TFAP2A: variants seen among roughly 807,000 people sequenced by gnomAD.
TFAP2A encodes transcription factor AP-2-alpha.
In TFAP2A, 7 loss-of-function variants were observed where a neutral mutation model predicts 41.5. The ratio of observed to expected loss-of-function variants is 0.17; its 90% confidence interval spans 0.10 to 0.32. The LOEUF (loss-of-function observed/expected upper bound fraction) is 0.32. TFAP2A is among the 10% of genes least tolerant of loss of function. The pLI, the probability that TFAP2A is intolerant of heterozygous loss-of-function variation, is 1.00. For synonymous variants in TFAP2A, 247 were observed against 242.8 expected (o/e 1.02, Z -0.16); for missense variants, 416 against 563.3 (o/e 0.74, Z 2.65).
chr6:10,403,169 G>C (rs929926805), intron 4 of TFAP2A, among the ~76,000 whole-genome samples: 2 of 152,250 alleles, frequency 1.3e-5, no homozygotes, highest in African/African-American at 4.8e-5. Flanking sequence ...AAGTTTCACT[G>C]ATTTCAGAGA....
At chr6:10,402,836 T>C (rs746610848) in intron 4 of TFAP2A, among the ~76,000 whole-genome samples, 1 of 152,242 alleles carries the variant, frequency 6.6e-6, no homozygotes, top group African/African-American at 2.4e-5. Context: ...TTGCAACTCT[T>C]GTGGCAGGTT....
intron 4 of TFAP2A, 124 bp downstream of exon 4, chr6:10,404,384 T>C: frequency 1.6e-6 from 1 of 617,994 alleles, no homozygotes; most frequent in East Asian, 3.8e-5. Context: ...CCCGCCCCCT[T>C]TCCTTTCCCG....
chr6:10,400,625 G>A (rs1761972459), intron 5 of TFAP2A, 36 bp from the exon 6 acceptor site: 1 of 1,613,220 alleles, frequency 6.2e-7, no homozygotes, highest in Non-Finnish European at 8.5e-7. Context: ...CAGTGCGAGA[G>A]AATGAAGAGT....
At chr6:10,400,422 A>T (rs752663349) in intron 6 of TFAP2A, 26 bp downstream of exon 6, 8 of 1,614,240 alleles carry the variant, frequency 5.0e-6, no homozygotes, top group East Asian at 4.5e-5. Flanking sequence ...CGAGACACAG[A>T]GACCCCATAG....
chr6:10,419,630 A>T, upstream of TFAP2A: 2 of 716,128 alleles, frequency 2.8e-6, no homozygotes, highest in East Asian at 5.4e-5. Flanking sequence ...CCAGGAATTC[A>T]CTCCGCCAGC....
At chr6:10,411,991 C>T (rs1308739764) in intron 1 of TFAP2A, 3 of 1,081,196 alleles carry the variant, frequency 2.8e-6, no homozygotes, top group African/African-American at 3.4e-5. Context: ...CTTCTAATAA[C>T]CGCGCTGGGC....
rs1377549684 is a variant in TFAP2A, at chr6:10,398,375, G to C, written c.*42C>G. ...CACCCGCCGGAGGGTGGGCGCGCGG[G>C]GGGCTGGTGAGGCGTGGGAGGGGCG... On this transcript the variant is annotated 3_prime_UTR_variant, in exon 7 of 7. Coordinates refer to ENST00000379613, the MANE Select transcript of TFAP2A (RefSeq NM_001372066.1). The surrounding 1 kb of genome is among the most constrained non-coding windows in gnomAD (Gnocchi z 5.3). 6.8e-6 allele frequency: 11 copies of C among 1,610,918 alleles called. No individual in the cohort carries two copies. The Admixed American group carries it at 1.5e-4, about 22-fold the overall frequency.
chr6:10,411,366 G>C (rs1380803672), intron 1 of TFAP2A, among the ~76,000 whole-genome samples: 2 of 152,078 alleles, frequency 1.3e-5, no homozygotes, highest in Non-Finnish European at 2.9e-5. Flanking sequence ...GGTCGAGCGG[G>C]GGCTGGGGTA....
Position 10,404,603 on chromosome 6 carries a change from G to A in TFAP2A, c.675C>T (p.Ser225=), listed in dbSNP as rs1757613170. Residue 225 remains serine, a synonymous_variant, in exon 4 of 7, where the codon TCC becomes TCT. Coordinates refer to ENST00000379613, the MANE Select transcript of TFAP2A (RefSeq NM_001372066.1). The stretch of plus-strand genomic sequence containing the variant: ...CCACCGTGACCTTGTACTTCGAGGT[G>A]GAGCTGAGGAGCGAGAGGCGACCCG... ...SVPGRLSLLS[S]TSKYKVTVAE... 6.2e-7 allele frequency: 1 copy of A among 1,614,188 alleles called. No individual in the cohort carries two copies. Among genetic ancestry groups the A allele is most frequent in the Non-Finnish European group, 8.5e-7 (1 of 1,180,018 alleles).
chr6:10,409,792 A>C, intron 2 of TFAP2A, 109 bp downstream of exon 2: 3 of 1,330,230 alleles, frequency 2.3e-6, no homozygotes, highest in South Asian at 2.6e-5. Context: ...TTTTATAAGG[A>C]AATACTAGGG....
At chr6:10,411,745 C>T (rs909421555) in intron 1 of TFAP2A, 2 of 1,502,384 alleles carry the variant, frequency 1.3e-6, no homozygotes, top group African/African-American at 1.4e-5. Context: ...CGACGCTCCC[C>T]GGAGCGCGGG....
At chr6:10,402,224 G>A in intron 5 of TFAP2A, 1 of 541,964 alleles carries the variant, frequency 1.8e-6, no homozygotes, top group Admixed American at 2.2e-5. Flanking sequence ...AGAATGTGCA[G>A]TTCTTAAACT....
At chr6:10,402,719 A>C (rs1321353038) in intron 4 of TFAP2A, 109 bp from the exon 5 acceptor site, 1 of 858,018 alleles carries the variant, frequency 1.2e-6, no homozygotes, top group African/African-American at 1.7e-5. Flanking sequence ...AAAACTGAGA[A>C]GCTTGGCCCC....
rs1295719804 is a variant in TFAP2A, at chr6:10,396,910, T to A, written c.*1507A>T. On this transcript the variant is annotated 3_prime_UTR_variant, in exon 7 of 7. Transcript: ENST00000379613. Reference sequence around the variant, plus strand: ...ATTATACTTGAGGGAAACAATGGGTTCAGCTGCTTATTGCAAGGAGCAATT... The same window carrying A: ...ATTATACTTGAGGGAAACAATGGGTACAGCTGCTTATTGCAAGGAGCAATT... 6.6e-6 allele frequency: 1 copy of A among 152,608 alleles called. No individual in the cohort carries two copies. Among genetic ancestry groups the A allele is most frequent in the Non-Finnish European group, 1.5e-5 (1 of 68,044 alleles). The allele number at this position is 152,608 out of a possible 1,614,324, so 9.5% of individuals were successfully genotyped here.
intron 1 of TFAP2A, chr6:10,412,385 A>T: frequency 3.4e-5 from 26 of 756,210 alleles, no homozygotes; most frequent in Non-Finnish European, 4.2e-5. Flanking sequence ...TGTGAGAAAG[A>T]AAGTGTGGGC....
intron 1 of TFAP2A, among the ~76,000 whole-genome samples, chr6:10,414,257 G>A (rs760475686): frequency 6.6e-5 from 10 of 152,188 alleles, no homozygotes; most frequent in Non-Finnish European, 1.2e-4. Context: ...ACCCCCGTGG[G>A]GTGCGTCGAT....
intron 1 of TFAP2A, among the ~76,000 whole-genome samples, chr6:10,413,621 C>T (rs1171618335): frequency 6.6e-6 from 1 of 152,222 alleles, no homozygotes; most frequent in Non-Finnish European, 1.5e-5. Context: ...CCTCCTCTAG[C>T]GCGACAGGAC....
rs1204736976 is a variant in TFAP2A, at chr6:10,398,283, C to CGGCG, written c.*130_*133dup. The CGGCG allele has an allele frequency of 1.9e-6, 3 of 1,573,200 alleles. No homozygotes were observed. Among genetic ancestry groups the CGGCG allele is most frequent in the Non-Finnish European group, 2.6e-6 (3 of 1,164,400 alleles). On this transcript the variant is annotated 3_prime_UTR_variant, in exon 7 of 7. Coordinates refer to ENST00000379613, the MANE Select transcript of TFAP2A (RefSeq NM_001372066.1). The surrounding 1 kb of genome is among the most constrained non-coding windows in gnomAD (Gnocchi z 5.3). ...ACTCGGGGGGACCCAAGGGCAGCGG[C>CGGCG]GGCGGCGGCGGCGGCAGCAGCAGCA...
chr6:10,408,259 G>A (rs1757803527), intron 2 of TFAP2A, among the ~76,000 whole-genome samples: 1 of 152,142 alleles, frequency 6.6e-6, no homozygotes. Flanking sequence ...TTAAAAGATG[G>A]GGGAGGGAGA....
Sources: gnomAD v4.1 joint callset for allele counts (sites outside exome capture counted in the v4.1 genomes callset) on GRCh38, gnomAD v4.1.1 for gene constraint, Gnocchi (gnomAD v3.1) non-coding constraint, MANE v1.5 for transcripts, NCBI Gene and HGNC (gene_info 2026-07-23, HGNC 2026-07-21) for gene names.